Variants in RNF169 observed in about 807,000 individuals in gnomAD.
RNF169 encodes E3 ubiquitin-protein ligase RNF169.
RNF169 carries 24 observed loss-of-function variants against 53.9 expected under a neutral mutation model. The observed-to-expected ratio is 0.45, with a 90% CI of 0.32 to 0.63. RNF169 has a LOEUF of 0.63. Ranked by LOEUF, RNF169 falls within the 20% of genes least tolerant of loss-of-function variation. The pLI is 0.04. For missense variants in RNF169, 883 were observed against 906.2 expected, an observed-to-expected ratio of 0.97 and a Z score of 0.33; for synonymous variants, 396 against 363.5, an observed-to-expected ratio of 1.09 and a Z score of -1.02.
chr11:74,777,295 G>A (rs2035349832), intron 1 of RNF169, among the ~76,000 whole-genome samples: 1 of 152,070 alleles, frequency 6.6e-6, no homozygotes, highest in Non-Finnish European at 1.5e-5. Context: ...TCTACCTTGT[G>A]GACTAACAGG....
intron 1 of RNF169, among the ~76,000 whole-genome samples, chr11:74,776,778 A>AG (rs1484908435): frequency 6.6e-6 from 1 of 152,358 alleles, no homozygotes; most frequent in African/African-American, 2.4e-5. Flanking sequence ...TCATAGTGAA[A>AG]GGGGAAGAAA....
chr11:74,829,739 A>G (rs779745039), intron 4 of RNF169, among the ~76,000 whole-genome samples: 4 of 152,218 alleles, frequency 2.6e-5, no homozygotes, highest in Non-Finnish European at 5.9e-5. Context: ...AAACTAATGC[A>G]GGAACAGAAA....
intron 1 of RNF169, among the ~76,000 whole-genome samples, chr11:74,775,831 C>G (rs1220427033): frequency 2.6e-5 from 4 of 152,164 alleles, no homozygotes; most frequent in Admixed American, 1.3e-4. Flanking sequence ...CTGTCTCTGG[C>G]ACTATACTGA....
intron 1 of RNF169, among the ~76,000 whole-genome samples, chr11:74,778,247 C>T (rs551370374): frequency 1.3e-5 from 2 of 152,202 alleles, no homozygotes; most frequent in South Asian, 2.1e-4. Flanking sequence ...TATATTTTCT[C>T]GTTCTGCAGT....
chr11:74,749,495 C>G (rs1256949285), intron 1 of RNF169, 113 bp downstream of exon 1: 4 of 925,018 alleles, frequency 4.3e-6, no homozygotes, highest in Admixed American at 4.7e-5. Flanking sequence ...GTGGAGAGTT[C>G]TCGTGGGATT....
chr11:74,813,303 T>A (rs1204548856), intron 3 of RNF169, among the ~76,000 whole-genome samples: 2 of 152,360 alleles, frequency 1.3e-5, no homozygotes, highest in East Asian at 3.9e-4. Context: ...CTGATACATG[T>A]TTATGAAATT....
intron 2 of RNF169, among the ~76,000 whole-genome samples, chr11:74,808,413 GCA>G (rs2035833039): frequency 6.6e-6 from 1 of 152,102 alleles, no homozygotes; most frequent in Non-Finnish European, 1.5e-5. Context: ...ATGTTTAGTA[GCA>G]CACAGACTCC....
At chr11:74,789,132 G>C (rs959604775) in intron 1 of RNF169, among the ~76,000 whole-genome samples, 4 of 152,188 alleles carry the variant, frequency 2.6e-5, no homozygotes, top group African/African-American at 9.7e-5. Flanking sequence ...CAATTCCGTA[G>C]TGGTTGGAAA....
chr11:74,794,347 G>C (rs1163646955), intron 2 of RNF169, among the ~76,000 whole-genome samples: 1 of 152,178 alleles, frequency 6.6e-6, no homozygotes, highest in Non-Finnish European at 1.5e-5. Flanking sequence ...TTACAGTTTT[G>C]GATGATGGAT....
At chr11:74,760,486 G>A (rs1373091450) in intron 1 of RNF169, among the ~76,000 whole-genome samples, 5 of 151,982 alleles carry the variant, frequency 3.3e-5, no homozygotes, top group Non-Finnish European at 7.4e-5. Context: ...CTTTGAATGC[G>A]TCCCAGAGAT....
chr11:74,799,015 C>T (rs951370184), intron 2 of RNF169, among the ~76,000 whole-genome samples: 2 of 150,290 alleles, frequency 1.3e-5, no homozygotes, highest in Admixed American at 1.3e-4. Flanking sequence ...GATTGCATCC[C>T]TGCCCTCCCA....
intron 4 of RNF169, among the ~76,000 whole-genome samples, chr11:74,817,984 A>C (rs2135127815): frequency 6.6e-6 from 1 of 152,304 alleles, no homozygotes; most frequent in Middle Eastern, 3.4e-3. Context: ...CTTGGGAGGA[A>C]ACAACAAAGT....
intron 1 of RNF169, among the ~76,000 whole-genome samples, chr11:74,758,358 A>G (rs1270645326): frequency 6.8e-6 from 1 of 146,598 alleles, no homozygotes; most frequent in Non-Finnish European, 1.5e-5. Flanking sequence ...ATTGATCTAT[A>G]TCTCTGTTTT....
chr11:74,765,012 G>A (rs553295280), intron 1 of RNF169, among the ~76,000 whole-genome samples: 1 of 152,236 alleles, frequency 6.6e-6, no homozygotes, highest in East Asian at 1.9e-4. Flanking sequence ...AGGAGTTCGA[G>A]ATCAGCCTGG....
intron 4 of RNF169, among the ~76,000 whole-genome samples, chr11:74,824,730 C>CT (rs2135138138): frequency 6.6e-6 from 1 of 152,310 alleles, no homozygotes; most frequent in Non-Finnish European, 1.5e-5. Context: ...TGCTGATAGA[C>CT]TTGCTTGATA....
chr11:74,778,496 C>G (rs949030325), intron 1 of RNF169, among the ~76,000 whole-genome samples: 3 of 152,004 alleles, frequency 2.0e-5, no homozygotes, highest in African/African-American at 7.3e-5. Context: ...GATGTTGTGC[C>G]AAACCCCATC....
At chr11:74,803,981 A>G (rs2035769513) in intron 2 of RNF169, among the ~76,000 whole-genome samples, 1 of 152,210 alleles carries the variant, frequency 6.6e-6, no homozygotes, top group Admixed American at 6.5e-5. Context: ...TCATTGTTCA[A>G]CAGTGATGTT....
At chr11:74,783,822 A>C (rs1235583803) in intron 1 of RNF169, among the ~76,000 whole-genome samples, 2 of 152,200 alleles carry the variant, frequency 1.3e-5, no homozygotes, top group African/African-American at 2.4e-5. Flanking sequence ...TAAGAAAAGT[A>C]AAGTCTCACA....
At chr11:74,797,987 C>T (rs1018431315) in intron 2 of RNF169, among the ~76,000 whole-genome samples, 1 of 152,214 alleles carries the variant, frequency 6.6e-6, no homozygotes, top group Non-Finnish European at 1.5e-5. Flanking sequence ...CTTATCACTT[C>T]CCCAGTCAAT....
Sources: allele counts gnomAD v4.1 joint callset (sites outside exome capture counted in the v4.1 genomes callset), GRCh38; gene constraint gnomAD v4.1.1; transcripts MANE v1.5; gene names NCBI Gene and HGNC (gene_info 2026-07-23, HGNC 2026-07-21).